Variants in DMD observed in about 807,000 individuals in gnomAD.
DMD encodes mutant dystrophin.
In DMD, 63 loss-of-function variants were observed where a neutral mutation model predicts 330.1. That is an observed-to-expected ratio of 0.19 (90% CI 0.16 to 0.24). The LOEUF is 0.24. Ranked by LOEUF, DMD falls within the 10% of genes least tolerant of loss-of-function variation. The pLI is 1.00. For missense variants in DMD, 3,344 were observed against 2,684.1 expected, an observed-to-expected ratio of 1.25 and a Z score of -5.43; for synonymous variants, 1,223 against 959.8, an observed-to-expected ratio of 1.27 and a Z score of -5.07.
chrX:32,019,114 CTT>C (rs200912728), intron 44 of DMD, among the ~76,000 whole-genome samples: 1 of 104,492 alleles, frequency 9.6e-6, no homozygotes, highest in Non-Finnish European at 2.0e-5. Context: ...TCTGTGAGGG[CTT>C]TTTTTTTTCT....
At chrX:31,465,770 G>A (rs1055224424) in intron 59 of DMD, among the ~76,000 whole-genome samples, 1 of 111,719 alleles carries the variant, frequency 9.0e-6, no homozygotes, top group East Asian at 2.8e-4. Context: ...AGATCCTTGA[G>A]GAATTGCCAC....
chrX:33,150,606 T>A (rs757698000), intron 1 of DMD, among the ~76,000 whole-genome samples: 2 of 109,239 alleles, frequency 1.8e-5, no homozygotes, highest in South Asian at 8.0e-4. Flanking sequence ...GTAGTCACAG[T>A]CTTAATTGCT....
chrX:32,502,462 C>A (rs1468338800), intron 18 of DMD, among the ~76,000 whole-genome samples: 1 of 111,525 alleles, frequency 9.0e-6, no homozygotes, highest in East Asian at 2.8e-4. Context: ...ACATTTTGAA[C>A]CACAAATGCA....
chrX:32,014,326 TA>T (rs1468672050), intron 44 of DMD, among the ~76,000 whole-genome samples: 128 of 63,812 alleles, frequency 2.0e-3, no homozygotes, highest in African/African-American at 0.02. Flanking sequence ...TTCATTTCCA[TA>T]ATACTTTAGG....
intron 43 of DMD, among the ~76,000 whole-genome samples, chrX:32,246,792 G>A (rs1344641785): frequency 9.1e-6 from 1 of 110,456 alleles, no homozygotes; most frequent in Non-Finnish European, 1.9e-5. Flanking sequence ...TTGTATTTCT[G>A]TGGGATCGGT....
intron 55 of DMD, among the ~76,000 whole-genome samples, chrX:31,600,160 T>C (rs1187283574): frequency 1.8e-5 from 2 of 112,062 alleles, no homozygotes; most frequent in African/African-American, 6.5e-5. Flanking sequence ...CTCAAACTCC[T>C]GGACTCAAGT....
chrX:33,164,802 T>C, intron 1 of DMD, among the ~76,000 whole-genome samples: 1 of 111,183 alleles, frequency 9.0e-6, no homozygotes, highest in East Asian at 2.8e-4. Flanking sequence ...GCATGGCTAA[T>C]AGATCATTGC....
intron 34 of DMD, among the ~76,000 whole-genome samples, chrX:32,378,870 G>T (rs986372758): frequency 9.0e-6 from 1 of 110,561 alleles, no homozygotes; most frequent in Non-Finnish European, 1.9e-5. Context: ...GAAACCATGA[G>T]AAATGAGAAT....
chrX:32,341,064 AT>A (rs2097739323), intron 41 of DMD, among the ~76,000 whole-genome samples: 1 of 111,969 alleles, frequency 8.9e-6, no homozygotes, highest in South Asian at 3.7e-4. Flanking sequence ...TGCTTTTGAC[AT>A]TTTAAAAATA....
intron 1 of DMD, among the ~76,000 whole-genome samples, chrX:33,221,288 C>T (rs760142036): frequency 1.8e-5 from 2 of 111,685 alleles, no homozygotes; most frequent in East Asian, 2.8e-4. Context: ...ACATTTTAAT[C>T]GACCTGCTAA....
chrX:33,133,940 T>C (rs1429923686), intron 1 of DMD, among the ~76,000 whole-genome samples: 1 of 112,163 alleles, frequency 8.9e-6, no homozygotes, highest in African/African-American at 3.2e-5. Flanking sequence ...CTCAATATCA[T>C]AGGGGTATTT....
intron 25 of DMD, among the ~76,000 whole-genome samples, chrX:32,455,656 A>C (rs1350144586): frequency 1.8e-5 from 2 of 111,344 alleles, no homozygotes; most frequent in African/African-American, 6.5e-5. Context: ...TATTTAATTC[A>C]GCTTTAAAGA....
intron 1 of DMD, among the ~76,000 whole-genome samples, chrX:33,105,692 T>C (rs1169726724): frequency 8.9e-6 from 1 of 111,995 alleles, no homozygotes; most frequent in African/African-American, 3.2e-5. Flanking sequence ...TCACTAATCA[T>C]CAGGGGAATG....
At chrX:32,505,952 T>A (rs764399259) in intron 18 of DMD, among the ~76,000 whole-genome samples, 1 of 112,235 alleles carries the variant, frequency 8.9e-6, no homozygotes, top group Non-Finnish European at 1.9e-5. Flanking sequence ...ATTCCGAATA[T>A]ATGATAGTCT....
chrX:32,807,827 T>G (rs1005649798), intron 7 of DMD, among the ~76,000 whole-genome samples: 1 of 111,910 alleles, frequency 8.9e-6, no homozygotes, highest in Non-Finnish European at 1.9e-5. Context: ...ATTTTGTCAC[T>G]TAATAAGAAA....
intron 17 of DMD, among the ~76,000 whole-genome samples, chrX:32,525,176 G>A (rs1235364685): frequency 9.0e-6 from 1 of 111,408 alleles, no homozygotes; most frequent in Non-Finnish European, 1.9e-5. Context: ...ATTTTATGTT[G>A]CTTCCATTTG....
chrX:32,640,964 C>A (rs2059407239), intron 11 of DMD, among the ~76,000 whole-genome samples: 1 of 111,625 alleles, frequency 9.0e-6, no homozygotes, highest in African/African-American at 3.3e-5. Flanking sequence ...AACTTACCAC[C>A]CTGCAACTCT....
chrX:32,377,977 T>A (rs1248105317), intron 34 of DMD, among the ~76,000 whole-genome samples: 1 of 111,204 alleles, frequency 9.0e-6, no homozygotes, highest in Non-Finnish European at 1.9e-5. Flanking sequence ...TTCTTTTTCA[T>A]GGAGCCATGT....
intron 44 of DMD, among the ~76,000 whole-genome samples, chrX:32,125,329 C>T (rs758439392): frequency 4.5e-5 from 5 of 111,172 alleles, no homozygotes; most frequent in South Asian, 3.8e-4. Flanking sequence ...TGGTAGTTGA[C>T]GGACAGTGAG....
Sources: allele counts gnomAD v4.1 joint callset (sites outside exome capture counted in the v4.1 genomes callset), GRCh38; gene constraint gnomAD v4.1.1; transcripts MANE v1.5; gene names NCBI Gene and HGNC (gene_info 2026-07-23, HGNC 2026-07-21).